LRRC66: variants seen among roughly 807,000 people sequenced by gnomAD.
LRRC66 encodes the protein leucine-rich repeat-containing protein 66.
LRRC66 carries 29 observed loss-of-function variants against 24.6 expected under a neutral mutation model. That is an observed-to-expected ratio of 1.18 (90% CI 0.88 to 1.61). The LOEUF (loss-of-function observed/expected upper bound fraction) is 1.61, where lower values mean the gene tolerates loss of function less well. LRRC66 is among the 40% of genes most tolerant of loss of function. The pLI is 0.00. For synonymous variants in LRRC66, 411 were observed against 397.6 expected (o/e 1.03, Z -0.40); for missense variants, 1,124 against 1,058.0 (o/e 1.06, Z -0.87).
chr4:52,018,487 C>CTTCCT (rs2110205351), intron 1 of LRRC66: 2 of 985,272 alleles, frequency 2.0e-6, no homozygotes, highest in South Asian at 9.4e-5. Flanking sequence ...GAAATTGTCC[C>CTTCCT]TTCCTTTCTG....
chr4:51,994,406 A>T lies in LRRC66; in HGVS notation c.2616T>A (p.His872Gln), dbSNP rs371575450. The change falls in exon 5 of 5, where the codon CAT becomes CAA. Residue 872 changes from histidine (H) to glutamine (Q), a missense_variant. Physicochemically the swap from His to Gln is conservative, Grantham distance 24. Coordinates refer to ENST00000682860, the MANE Select transcript of LRRC66 (RefSeq NM_001024611.3). The part of the protein sequence containing the change: ...VPSDPDKAAF[H>Q]ERDSDILK ...ATTTTAAAATGTCTGAGTCTCTTTC[A>T]TGGAAGGCAGCCTTATCAGGATCTG... 1.9e-6 allele frequency: 3 copies of T among 1,612,150 alleles called. No individual in the cohort carries two copies. The African/African-American group carries it at 4.0e-5, about 22-fold the overall frequency.
At chr4:51,996,892 A>G (rs1736334672) in intron 4 of LRRC66, among the ~76,000 whole-genome samples, 1 of 152,208 alleles carries the variant, frequency 6.6e-6, no homozygotes. Context: ...TTAAACAGCA[A>G]AAATATTCAG....
intron 2 of LRRC66, among the ~76,000 whole-genome samples, chr4:52,014,082 C>A (rs139414780): frequency 0.014 from 2,086 of 152,192 alleles, 31 homozygotes; most frequent in Non-Finnish European, 0.022. Context: ...GGAGGAGCCC[C>A]GTCTCTACTA....
In LRRC66 at chr4:52,017,841, TC is replaced by T; in HGVS notation, c.-5-224del. 4 of 985,394 alleles carry T rather than the reference TC, an allele frequency of 4.1e-6. No homozygotes were observed. The South Asian group carries it at 1.9e-4, about 46-fold the overall frequency. 61.0% of individuals were successfully genotyped at this position (985,394 alleles called of 1,614,324 possible). ...TTATGTCACATTTTAAAGAAAGGAC[TC>T]CCCTGATTTTTCAGAAAATACATAT... On this transcript the variant is annotated intron_variant, in intron 1 of 4. Transcript: ENST00000682860.
At chr4:52,018,604 C>T in intron 1 of LRRC66, 1 of 985,102 alleles carries the variant, frequency 1.0e-6, no homozygotes, top group Non-Finnish European at 1.2e-6. Flanking sequence ...TGTGATCCAT[C>T]CTAGGTGACT....
chr4:52,019,102 T>C (rs1736886065), intron 1 of LRRC66, among the ~76,000 whole-genome samples: 1 of 152,184 alleles, frequency 6.6e-6, no homozygotes, highest in African/African-American at 2.4e-5. Context: ...CTCGAACTCC[T>C]GACCTCAGGT....
In LRRC66 at chr4:52,017,358, T is replaced by C. The variant is rs1383635428; in HGVS notation, c.256A>G (p.Lys86Glu). The C allele has an allele frequency of 6.2e-7, 1 of 1,614,168 alleles. No individual in the cohort carries two copies. Among genetic ancestry groups the C allele is most frequent in the African/African-American group, 1.3e-5 (1 of 75,048 alleles). The part of the protein sequence containing the change: ...LQSHTKKEEW[K>E]IKHLDLSNNL... ...TTACTGAGGTCCAGATGTTTTATTT[T>C]CCACTCTTCTTTTTTCGTGTGAGAC... Residue 86 changes from lysine to glutamate, a missense_variant, in exon 2 of 5, where the codon AAA (lysine) becomes GAA (glutamate). Transcript: ENST00000682860.
At chr4:52,003,091 A>G in intron 3 of LRRC66, 132 bp downstream of exon 3, 1 of 698,474 alleles carries the variant, frequency 1.4e-6, no homozygotes, top group African/African-American at 1.8e-5. Flanking sequence ...AAGGGATCTT[A>G]AAATAGACTA....
chr4:51,997,668 A>G, intron 4 of LRRC66, 80 bp downstream of exon 4: 1 of 1,329,830 alleles, frequency 7.5e-7, no homozygotes, highest in South Asian at 1.3e-5. Context: ...GGGGACTGTC[A>G]TTATTTCAAA....
At chr4:52,017,657 A>G (rs1165014730) in intron 1 of LRRC66, 39 bp from the exon 2 acceptor site, 1 of 1,471,952 alleles carries the variant, frequency 6.8e-7, no homozygotes, top group Non-Finnish European at 8.9e-7. Flanking sequence ...TCACAATAAT[A>G]TATAAAAACT....
intron 1 of LRRC66, chr4:52,017,847 G>A (rs1736856291): frequency 1.0e-6 from 1 of 985,352 alleles, no homozygotes; most frequent in East Asian, 1.1e-4. Flanking sequence ...GGACTCCCCT[G>A]ATTTTTCAGA....
At chr4:52,011,345 A>G (rs1736695941) in intron 2 of LRRC66, among the ~76,000 whole-genome samples, 1 of 152,212 alleles carries the variant, frequency 6.6e-6, no homozygotes, top group Admixed American at 6.5e-5. Context: ...TGAGTATCTT[A>G]TATACTTTTT....
At chr4:52,002,887 T>C (rs1228295760) in intron 3 of LRRC66, among the ~76,000 whole-genome samples, 1 of 152,194 alleles carries the variant, frequency 6.6e-6, no homozygotes, top group African/African-American at 2.4e-5. Context: ...ATCTTGTAGC[T>C]TAGGGAGACA....
At chr4:52,011,919 T>A (rs1257642129) in intron 2 of LRRC66, among the ~76,000 whole-genome samples, 1 of 152,242 alleles carries the variant, frequency 6.6e-6, no homozygotes. Flanking sequence ...GAACGGTGAC[T>A]GATGCCTGTA....
Position 52,013,039 on chromosome 4 carries a change from A to G in LRRC66, c.496+4079T>C, listed in dbSNP as rs1736734265. 3.3e-5 allele frequency among the ~76,000 whole-genome samples: 5 copies of G among 152,336 alleles called. No individual in the cohort carries two copies. In the South Asian group the frequency reaches 8.3e-4, roughly 25 times the overall value. The stretch of plus-strand genomic sequence containing the variant: ...ATAGAGTCTAGAATGGTCCTGGGTA[A>G]GATATTCGATTCATTAGGTCAGATC... On this transcript the variant is annotated intron_variant, in intron 2 of 4. Transcript: ENST00000682860.
In LRRC66 at chr4:51,997,750, A is replaced by G. The variant is rs1437519802; in HGVS notation, c.854T>C (p.Ile285Thr). Residue 285 changes from isoleucine to threonine, a missense_variant and splice_region_variant, in exon 4 of 5, where the codon ATA becomes ACA. Physicochemically the swap from Ile to Thr is moderately conservative, Grantham distance 89 (BLOSUM62 -1). Transcript: ENST00000682860. ...KKWNVICNRSIGSEEANGGTP... is the reference protein window; with the variant it reads ...KKWNVICNRSTGSEEANGGTP... ...TCAGAGAGACATTACTGACTTACCT[A>G]TAGACCTGTTGCAAATGACATTCCA... The G allele has an allele frequency of 1.2e-6, 2 of 1,613,634 alleles. No homozygotes were observed. The highest frequency in any genetic ancestry group is 1.7e-6 in the Non-Finnish European group (2 of 1,179,618).
At chr4:52,013,927 G>A (rs1736753912) in intron 2 of LRRC66, among the ~76,000 whole-genome samples, 2 of 152,142 alleles carry the variant, frequency 1.3e-5, no homozygotes, top group African/African-American at 4.8e-5. Context: ...AATTATAGTG[G>A]GCTACTACTT....
intron 2 of LRRC66, among the ~76,000 whole-genome samples, chr4:52,014,974 A>G (rs1736778447): frequency 6.6e-6 from 1 of 152,216 alleles, no homozygotes; most frequent in South Asian, 2.1e-4. Flanking sequence ...CTTAACTCAA[A>G]AAAAGAAGAT....
chr4:52,020,245 A>G (rs1157053896), intron 1 of LRRC66, among the ~76,000 whole-genome samples, 59 bp downstream of exon 1: 1 of 152,228 alleles, frequency 6.6e-6, no homozygotes, highest in Non-Finnish European at 1.5e-5. Context: ...GAAAAAAGCA[A>G]CAGAGGCTAT....
Sources: allele counts gnomAD v4.1 joint callset (sites outside exome capture counted in the v4.1 genomes callset), GRCh38; gene constraint gnomAD v4.1.1; transcripts MANE v1.5; gene names NCBI Gene and HGNC (gene_info 2026-07-23, HGNC 2026-07-21).